Variants in NXPH1 observed in about 807,000 individuals in gnomAD.
NXPH1 encodes the protein neurexophilin 1.
Under a neutral mutation model 23.7 loss-of-function variants are expected in NXPH1, and 5 were observed. The observed-to-expected ratio is 0.21, with a 90% CI of 0.11 to 0.44. The LOEUF (loss-of-function observed/expected upper bound fraction) is 0.44, where lower values mean the gene tolerates loss of function less well. Ranked by LOEUF, NXPH1 falls within the 20% of genes least tolerant of loss-of-function variation. The pLI, the probability that NXPH1 is intolerant of heterozygous loss-of-function variation, is 0.99. For missense variants in NXPH1, 324 were observed against 321.6 expected, an observed-to-expected ratio of 1.01 and a Z score of -0.06; for synonymous variants, 144 against 122.2, an observed-to-expected ratio of 1.18 and a Z score of -1.18.
chr7:8,570,136 T>G (rs1366467394), intron 2 of NXPH1, among the ~76,000 whole-genome samples: 5 of 151,888 alleles, frequency 3.3e-5, no homozygotes, highest in African/African-American at 9.7e-5. Flanking sequence ...ACAAAAAAGA[T>G]ACACTTCTCC....
intron 2 of NXPH1, among the ~76,000 whole-genome samples, chr7:8,679,926 C>A (rs1314365692): frequency 6.6e-6 from 1 of 152,230 alleles, no homozygotes; most frequent in Non-Finnish European, 1.5e-5. Context: ...GAGGCTGAGG[C>A]AGTAGAATTG....
intron 2 of NXPH1, among the ~76,000 whole-genome samples, chr7:8,480,770 G>A (rs1201418622): frequency 6.6e-6 from 1 of 152,114 alleles, no homozygotes; most frequent in Non-Finnish European, 1.5e-5. Context: ...GAGTCACCAA[G>A]ATTTGTACAT....
chr7:8,514,047 G>T (rs1299898682), intron 2 of NXPH1, among the ~76,000 whole-genome samples: 1 of 151,968 alleles, frequency 6.6e-6, no homozygotes, highest in South Asian at 2.1e-4. Context: ...TGTCCCAATT[G>T]TTCCTTTTTA....
intron 2 of NXPH1, among the ~76,000 whole-genome samples, chr7:8,454,064 G>A (rs1816550373): frequency 6.8e-6 from 1 of 147,822 alleles, no homozygotes; most frequent in African/African-American, 2.6e-5. Context: ...ATATCCAGGA[G>A]AACAACACAC....
chr7:8,540,591 A>G (rs1186546486), intron 2 of NXPH1, among the ~76,000 whole-genome samples: 1 of 151,756 alleles, frequency 6.6e-6, no homozygotes, highest in Non-Finnish European at 1.5e-5. Context: ...TAGGATTCAC[A>G]TACAAAAAAA....
At chr7:8,645,289 A>G (rs746564673) in intron 2 of NXPH1, among the ~76,000 whole-genome samples, 1 of 152,104 alleles carries the variant, frequency 6.6e-6, no homozygotes, top group African/African-American at 2.4e-5. Context: ...CACAAGTTCT[A>G]TGTCAAAGTT....
At chr7:8,587,082 A>G (rs920639866) in intron 2 of NXPH1, among the ~76,000 whole-genome samples, 1 of 152,198 alleles carries the variant, frequency 6.6e-6, no homozygotes, top group African/African-American at 2.4e-5. Context: ...GTGTCAAAAT[A>G]CAGTTAAGAC....
chr7:8,539,768 A>C (rs1442250945), intron 2 of NXPH1, among the ~76,000 whole-genome samples: 3 of 151,780 alleles, frequency 2.0e-5, no homozygotes, highest in Non-Finnish European at 4.4e-5. Flanking sequence ...TTTTAAAATA[A>C]ATAGATACCA....
At chr7:8,581,369 C>T (rs1185494153) in intron 2 of NXPH1, among the ~76,000 whole-genome samples, 2 of 152,062 alleles carry the variant, frequency 1.3e-5, no homozygotes, top group South Asian at 2.1e-4. Context: ...AGGGTGGCTT[C>T]GGAAACTTAC....
chr7:8,740,876 C>G (rs1780349740), intron 2 of NXPH1, among the ~76,000 whole-genome samples: 2 of 152,090 alleles, frequency 1.3e-5, no homozygotes, highest in South Asian at 2.1e-4. Flanking sequence ...TCCATTACCT[C>G]ACATAGTTAC....
intron 2 of NXPH1, among the ~76,000 whole-genome samples, chr7:8,726,906 G>T (rs199665686): frequency 6.6e-6 from 1 of 151,750 alleles, no homozygotes; most frequent in Non-Finnish European, 1.5e-5. Context: ...CTGAGGAATC[G>T]CCACACTGAC....
At chr7:8,529,727 T>G (rs1035545039) in intron 2 of NXPH1, among the ~76,000 whole-genome samples, 1 of 152,184 alleles carries the variant, frequency 6.6e-6, no homozygotes. Context: ...TTAAGTGAGC[T>G]AGGGCATAGT....
chr7:8,669,539 G>A (rs1192806068), intron 2 of NXPH1, among the ~76,000 whole-genome samples: 1 of 152,112 alleles, frequency 6.6e-6, no homozygotes, highest in East Asian at 1.9e-4. Context: ...CTGAATTCTG[G>A]GAGCATGTGG....
chr7:8,463,435 A>G (rs1054821861), intron 2 of NXPH1, among the ~76,000 whole-genome samples: 6 of 152,008 alleles, frequency 3.9e-5, no homozygotes, highest in Non-Finnish European at 7.4e-5. Context: ...ACACTCTTTC[A>G]TGTGCAGTTA....
chr7:8,539,838 T>C (rs905220212), intron 2 of NXPH1, among the ~76,000 whole-genome samples: 1 of 151,842 alleles, frequency 6.6e-6, no homozygotes, highest in Non-Finnish European at 1.5e-5. Flanking sequence ...AGTGCAGGAA[T>C]TGAGTTTTTC....
intron 2 of NXPH1, among the ~76,000 whole-genome samples, chr7:8,697,569 T>C (rs1398992000): frequency 1.3e-5 from 2 of 152,184 alleles, no homozygotes; most frequent in Non-Finnish European, 2.9e-5. Context: ...AACAACTTGG[T>C]GTGTCTCTTT....
chr7:8,601,686 T>C (rs1819365786), intron 2 of NXPH1, among the ~76,000 whole-genome samples: 1 of 152,104 alleles, frequency 6.6e-6, no homozygotes, highest in South Asian at 2.1e-4. Flanking sequence ...AGGACCCAAT[T>C]CCCTAAAATA....
Position 8,435,627 on chromosome 7 carries a change from T to C in NXPH1, c.-87T>C. ...AGGCTGCTGAGAGCGCTCCTTGCTC[T>C]GTAAAGTGGATGTCAGGTGGATCTA... On this transcript the variant is annotated 5_prime_UTR_variant, in exon 2 of 3. Coordinates refer to ENST00000405863, the MANE Select transcript of NXPH1 (RefSeq NM_152745.3). The surrounding 1 kb of genome is among the most constrained non-coding windows in gnomAD (Gnocchi z 5.9). 10 of 1,246,250 alleles carry C rather than the reference T, an allele frequency of 8.0e-6. No homozygotes were observed. The highest frequency in any genetic ancestry group is 1.2e-5 in the South Asian group (1 of 83,720). 77.2% of individuals were successfully genotyped at this position (1,246,250 alleles called of 1,614,324 possible). A position where few individuals can be genotyped will look rare whatever the true frequency, so the allele number is the denominator to read the frequency against.
chr7:8,711,250 G>C (rs1779789971), intron 2 of NXPH1, among the ~76,000 whole-genome samples: 2 of 152,096 alleles, frequency 1.3e-5, no homozygotes, highest in African/African-American at 4.8e-5. Flanking sequence ...CTAGATGTTT[G>C]TATATTTGGT....
Sources: allele counts gnomAD v4.1 joint callset (sites outside exome capture counted in the v4.1 genomes callset), GRCh38; gene constraint gnomAD v4.1.1; non-coding constraint Gnocchi (gnomAD v3.1); transcripts MANE v1.5; gene names NCBI Gene and HGNC (gene_info 2026-07-23, HGNC 2026-07-21).